The following STK32B variants were observed in gnomAD, a reference collection of about 807,000 sequenced individuals.
STK32B encodes the protein serine/threonine-protein kinase 32B.
STK32B carries 43 observed loss-of-function variants against 52.6 expected under a neutral mutation model. The ratio of observed to expected loss-of-function variants is 0.82; its 90% CI spans 0.64 to 1.05. STK32B has a LOEUF of 1.05. Ranked by LOEUF, STK32B falls within the 50% of genes least tolerant of loss-of-function variation. The pLI is 0.00. For missense variants in STK32B, 621 were observed against 534.6 expected, an observed-to-expected ratio of 1.16 and a Z score of -1.59; for synonymous variants, 238 against 204.3, an observed-to-expected ratio of 1.17 and a Z score of -1.41.
chr4:5,154,775 A>G (rs888397777), intron 2 of STK32B, among the ~76,000 whole-genome samples: 20 of 152,246 alleles, frequency 1.3e-4, no homozygotes, highest in African/African-American at 4.8e-4. Context: ...GCCCATCCGC[A>G]CTTAGCTTGG....
chr4:5,283,854 T>G (rs1317296697), intron 3 of STK32B, among the ~76,000 whole-genome samples: 2 of 152,096 alleles, frequency 1.3e-5, no homozygotes, highest in African/African-American at 4.8e-5. Flanking sequence ...TTGTTTGTTT[T>G]TTAAGCTGAA....
intron 4 of STK32B, among the ~76,000 whole-genome samples, chr4:5,387,845 A>C (rs1347783355): frequency 6.6e-6 from 1 of 152,164 alleles, no homozygotes; most frequent in Non-Finnish European, 1.5e-5. Context: ...CCTGGGTTCA[A>C]GTGATTCTCC....
In STK32B at chr4:5,396,045, C is replaced by CT. The variant is rs1294733163; in HGVS notation, c.435-2161dup. Among the ~76,000 whole-genome samples, 1 of 152,264 alleles carries CT rather than the reference C, an allele frequency of 6.6e-6. No homozygotes were observed. The highest frequency in any genetic ancestry group is 1.5e-5 in the Non-Finnish European group (1 of 68,044). On this transcript the variant is annotated intron_variant, in intron 4 of 11. Coordinates refer to ENST00000282908, the MANE Select transcript of STK32B (RefSeq NM_018401.3). The surrounding 1 kb of genome is among the most constrained non-coding windows in gnomAD (Gnocchi z 4.7). Reference sequence around the variant, plus strand: ...TGCCCTTTGAGGTTTGCCCTCAACTCTATCAGCTCTCCTTCCACCGTGCCA... The same window carrying CT: ...TGCCCTTTGAGGTTTGCCCTCAACTCTTATCAGCTCTCCTTCCACCGTGCCA...
intron 3 of STK32B, among the ~76,000 whole-genome samples, chr4:5,315,001 G>T (rs1256769621): frequency 6.6e-6 from 1 of 152,102 alleles, no homozygotes; most frequent in East Asian, 1.9e-4. Flanking sequence ...GAAGATTTAT[G>T]CTCGGCAGAA....
chr4:5,330,882 A>G (rs1484887262), intron 3 of STK32B, among the ~76,000 whole-genome samples: 1 of 152,198 alleles, frequency 6.6e-6, no homozygotes, highest in Non-Finnish European at 1.5e-5. Context: ...GAACAGTGAC[A>G]CCATCTAATT....
intron 4 of STK32B, among the ~76,000 whole-genome samples, chr4:5,333,103 G>A (rs553654209): frequency 1.3e-5 from 2 of 152,076 alleles, no homozygotes; most frequent in East Asian, 1.9e-4. Context: ...CTAGTTTACA[G>A]TCCCACCAAC....
chr4:5,043,439 T>G, the STK32B span, among the ~76,000 whole-genome samples: 3 of 152,232 alleles, frequency 2.0e-5, no homozygotes, highest in Non-Finnish European at 4.4e-5. Flanking sequence ...TGCTTATATC[T>G]CTCATAAATC....
At chr4:5,019,457 C>T in the STK32B span, 6 of 1,448,988 alleles carry the variant, frequency 4.1e-6, no homozygotes, top group Non-Finnish European at 5.4e-6. Flanking sequence ...GTGCCAGGCG[C>T]TGGTGCAGCC....
intron 3 of STK32B, among the ~76,000 whole-genome samples, chr4:5,308,683 A>G (rs1730089552): frequency 6.6e-6 from 1 of 152,174 alleles, no homozygotes; most frequent in African/African-American, 2.4e-5. Flanking sequence ...CAGAGCACCT[A>G]AACCAGTGCC....
chr4:5,499,479 A>G lies in STK32B; in HGVS notation c.*396A>G, dbSNP rs1252045485. The G allele has an allele frequency of 5.9e-6, 1 of 168,456 alleles. No individual in the cohort carries two copies. Among genetic ancestry groups the G allele is most frequent in the Non-Finnish European group, 1.3e-5 (1 of 79,448 alleles). 10.4% of individuals were successfully genotyped at this position (168,456 alleles called of 1,614,324 possible). On this transcript the variant is annotated 3_prime_UTR_variant, in exon 12 of 12. Transcript: ENST00000282908. ...CATTCCCCAAAGCAATCAAACCGTC[A>G]TGACTTTGCAATTTGGCACATCCTA...
chr4:5,152,219 G>A (rs1367998318), intron 2 of STK32B, among the ~76,000 whole-genome samples: 2 of 152,202 alleles, frequency 1.3e-5, no homozygotes, highest in South Asian at 2.1e-4. Context: ...ACAGATATAC[G>A]AGGTGGGTGA....
chr4:5,080,189 C>G (rs1057325298), intron 1 of STK32B, among the ~76,000 whole-genome samples: 2 of 152,084 alleles, frequency 1.3e-5, no homozygotes, highest in African/African-American at 4.8e-5. Flanking sequence ...GTGAAGAAGC[C>G]CAAGGATCAA....
At chr4:5,180,466 G>A (rs954259560) in intron 3 of STK32B, among the ~76,000 whole-genome samples, 8 of 152,174 alleles carry the variant, frequency 5.3e-5, no homozygotes, top group African/African-American at 1.9e-4. Context: ...AAGCCAGGCT[G>A]TCTGGCTTCA....
chr4:5,092,181 G>A (rs986892895), intron 1 of STK32B, among the ~76,000 whole-genome samples: 9 of 152,318 alleles, frequency 5.9e-5, no homozygotes, highest in African/African-American at 2.2e-4. Context: ...TTATGCTCAA[G>A]TTCAATGAAT....
At chr4:5,348,413 G>A (rs187428654) in intron 4 of STK32B, among the ~76,000 whole-genome samples, 15 of 152,232 alleles carry the variant, frequency 9.9e-5, no homozygotes, top group African/African-American at 1.4e-4. Flanking sequence ...CACCCCTTGC[G>A]CTTTTGCATC....
At chr4:5,260,099 G>A (rs778043469) in intron 3 of STK32B, among the ~76,000 whole-genome samples, 6 of 151,736 alleles carry the variant, frequency 4.0e-5, no homozygotes, top group Non-Finnish European at 7.4e-5. Context: ...ACACGCACAC[G>A]TGCACGCACA....
At chr4:5,093,227 A>G (rs1713192980) in intron 1 of STK32B, among the ~76,000 whole-genome samples, 1 of 152,258 alleles carries the variant, frequency 6.6e-6, no homozygotes, top group South Asian at 2.1e-4. Context: ...TAAAATGTAT[A>G]CAAATCTATT....
intron 11 of STK32B, among the ~76,000 whole-genome samples, chr4:5,486,521 C>A (rs1197408347): frequency 6.6e-6 from 1 of 152,266 alleles, no homozygotes; most frequent in Non-Finnish European, 1.5e-5. Context: ...TCCCTGACTT[C>A]TTGCGCTTCC....
At chr4:5,219,193 A>T (rs1046312393) in intron 3 of STK32B, among the ~76,000 whole-genome samples, 2 of 152,198 alleles carry the variant, frequency 1.3e-5, no homozygotes, top group African/African-American at 4.8e-5. Context: ...TGATTGAAGA[A>T]TGGTTTTCCC....
Sources: gnomAD v4.1 joint callset for allele counts (sites outside exome capture counted in the v4.1 genomes callset) on GRCh38, gnomAD v4.1.1 for gene constraint, Gnocchi (gnomAD v3.1) non-coding constraint, MANE v1.5 for transcripts, NCBI Gene and HGNC (gene_info 2026-07-23, HGNC 2026-07-21) for gene names.